STXBP5L: variants seen among roughly 807,000 people sequenced by gnomAD.
STXBP5L encodes syntaxin binding protein 5L.
Under a neutral mutation model 144.5 loss-of-function variants are expected in STXBP5L, and 65 were observed. The observed-to-expected ratio is 0.45, with a 90% CI of 0.37 to 0.55. STXBP5L has a LOEUF of 0.55. Ranked by LOEUF, STXBP5L falls within the 20% of genes least tolerant of loss-of-function variation. The pLI is 0.00. For synonymous variants in STXBP5L, 505 were observed against 469.6 expected (o/e 1.08, Z -0.97); for missense variants, 1,298 against 1,405.5 (o/e 0.92, Z 1.22).
chr3:121,156,583 A>G (rs2046119307), intron 8 of STXBP5L, among the ~76,000 whole-genome samples: 1 of 151,950 alleles, frequency 6.6e-6, no homozygotes, highest in African/African-American at 2.4e-5. Context: ...TTTATTGAGT[A>G]CTTACTTTAT....
chr3:121,012,399 C>CA (rs1354213799), intron 3 of STXBP5L, among the ~76,000 whole-genome samples: 1 of 151,738 alleles, frequency 6.6e-6, no homozygotes, highest in Non-Finnish European at 1.5e-5. Flanking sequence ...TATTGAATTC[C>CA]AAAAAGGTTG....
At position 121,318,516 on chromosome 3, in the gene STXBP5L, G is replaced by C. The variant is rs564881247; in HGVS notation, c.2152G>C (p.Glu718Gln). The change falls in exon 20 of 27, where the codon GAG becomes CAG. Residue 718 changes from glutamate to glutamine, a missense_variant. By Grantham distance (29) the Glu-to-Gln change is conservative. Transcript: ENST00000471454. Reference sequence around the variant, plus strand: ...TGACAGTCCAGTTCCCCTAGAACTTGAGCGCTGCAAGTCTCCTACCTCAGG... The same window carrying C: ...TGACAGTCCAGTTCCCCTAGAACTTCAGCGCTGCAAGTCTCCTACCTCAGG... ...LNDSPVPLEL[E>Q]RCKSPTSDHV... 7 of 1,564,536 alleles carry C rather than the reference G, an allele frequency of 4.5e-6. No homozygotes were observed. The African/African-American group carries it at 9.6e-5, about 21-fold the overall frequency.
chr3:121,083,546 C>G (rs2042347397), intron 5 of STXBP5L, among the ~76,000 whole-genome samples: 1 of 152,052 alleles, frequency 6.6e-6, no homozygotes, highest in East Asian at 1.9e-4. Context: ...GTCTGTTATC[C>G]CAGTTACTCG....
intron 3 of STXBP5L, among the ~76,000 whole-genome samples, chr3:120,996,421 A>G (rs1559972592): frequency 6.6e-6 from 1 of 152,112 alleles, no homozygotes; most frequent in South Asian, 2.1e-4. Flanking sequence ...GTCAATTAAC[A>G]TATCTTTGTC....
rs71133526 is a variant in STXBP5L at position 121,297,202 on chromosome 3, A to ATGTGTGTGTGTGTG, written c.2110+17271_2110+17284dup. On this transcript the variant is annotated intron_variant, in intron 19 of 26. Transcript: ENST00000471454. The stretch of plus-strand genomic sequence containing the variant: ...CAGAATCTGAATGATTCTACATTAT[A>ATGTGTGTGTGTGTG]TGTGTGTGTGTGTGTGTGTGTGTGT... Among the ~76,000 whole-genome samples, 647 of 148,320 alleles carry ATGTGTGTGTGTGTG rather than the reference A, an allele frequency of 4.4e-3. 3 individuals are homozygous for ATGTGTGTGTGTGTG. The highest frequency in any genetic ancestry group is 7.6e-3 in the Non-Finnish European group (510 of 67,192).
chr3:121,135,515 A>G (rs975175392), intron 7 of STXBP5L, among the ~76,000 whole-genome samples: 2 of 152,114 alleles, frequency 1.3e-5, no homozygotes, highest in Admixed American at 1.3e-4. Context: ...ATCATCAGGA[A>G]TTAGATTAGT....
At chr3:121,086,446 C>T (rs2107712057) in intron 5 of STXBP5L, among the ~76,000 whole-genome samples, 1 of 151,354 alleles carries the variant, frequency 6.6e-6, no homozygotes. Context: ...TAGCACAATG[C>T]ATTGCCCTTT....
At chr3:121,414,056 T>A (rs1487375867) in intron 24 of STXBP5L, among the ~76,000 whole-genome samples, 1 of 152,168 alleles carries the variant, frequency 6.6e-6, no homozygotes, top group Admixed American at 6.6e-5. Flanking sequence ...AGAATTCATA[T>A]AAAAGACTGA....
intron 3 of STXBP5L, among the ~76,000 whole-genome samples, chr3:121,025,622 G>A (rs1576696437): frequency 6.6e-6 from 1 of 151,504 alleles, no homozygotes; most frequent in Non-Finnish European, 1.5e-5. Context: ...AATTTTGCAG[G>A]TATTTGAATT....
intron 5 of STXBP5L, among the ~76,000 whole-genome samples, chr3:121,050,913 A>T (rs1325413656): frequency 2.6e-5 from 4 of 152,100 alleles, no homozygotes; most frequent in Non-Finnish European, 4.4e-5. Flanking sequence ...ATGGAAAACA[A>T]AAAAAAGCAG....
At chr3:121,083,600 T>C (rs149265606) in intron 5 of STXBP5L, among the ~76,000 whole-genome samples, 21 of 152,210 alleles carry the variant, frequency 1.4e-4, no homozygotes, top group African/African-American at 4.8e-4. Flanking sequence ...GAGGCAGATG[T>C]TGCAGTGAGC....
intron 9 of STXBP5L, among the ~76,000 whole-genome samples, chr3:121,192,682 T>C (rs964243041): frequency 6.6e-6 from 1 of 152,252 alleles, no homozygotes; most frequent in African/African-American, 2.4e-5. Flanking sequence ...TCTACAACCA[T>C]CTCATCTTCA....
intron 9 of STXBP5L, 129 bp downstream of exon 9, chr3:121,157,756 T>G: frequency 1.6e-6 from 2 of 1,233,828 alleles, no homozygotes; most frequent in Non-Finnish European, 2.2e-6. Flanking sequence ...TAAACATCCC[T>G]TTTATACCAC....
At chr3:121,396,324 A>C (rs1472997681) in intron 22 of STXBP5L, among the ~76,000 whole-genome samples, 1 of 152,218 alleles carries the variant, frequency 6.6e-6, no homozygotes, top group Non-Finnish European at 1.5e-5. Flanking sequence ...GATACCAGCA[A>C]TGTGTTTAAT....
At chr3:121,331,266 G>A (rs544653932) in intron 20 of STXBP5L, among the ~76,000 whole-genome samples, 2 of 152,278 alleles carry the variant, frequency 1.3e-5, no homozygotes, top group South Asian at 4.2e-4. Flanking sequence ...CAACAGTCAG[G>A]CAGCCCGGGT....
chr3:121,379,698 A>G (rs942135555), intron 21 of STXBP5L, among the ~76,000 whole-genome samples: 1 of 152,130 alleles, frequency 6.6e-6, no homozygotes, highest in Non-Finnish European at 1.5e-5. Flanking sequence ...TAATGATGTT[A>G]TTTCTCTAAC....
At chr3:121,409,948 AGT>A (rs1159274833) in intron 23 of STXBP5L, among the ~76,000 whole-genome samples, 5 of 151,104 alleles carry the variant, frequency 3.3e-5, no homozygotes, top group Non-Finnish European at 7.4e-5. Flanking sequence ...AGGTTTTGAG[AGT>A]GTTTTTTTTT....
At chr3:121,093,864 A>T (rs2042964009) in intron 5 of STXBP5L, among the ~76,000 whole-genome samples, 1 of 151,990 alleles carries the variant, frequency 6.6e-6, no homozygotes, top group African/African-American at 2.4e-5. Flanking sequence ...TTGTGATGTT[A>T]GGGTGTCAAT....
chr3:121,216,491 T>G (rs2048781602), intron 10 of STXBP5L, among the ~76,000 whole-genome samples: 1 of 152,208 alleles, frequency 6.6e-6, no homozygotes, highest in Non-Finnish European at 1.5e-5. Flanking sequence ...AGACCCTCTT[T>G]GCCTGGTTAT....
Sources: gnomAD v4.1 joint callset for allele counts (sites outside exome capture counted in the v4.1 genomes callset) on GRCh38, gnomAD v4.1.1 for gene constraint, MANE v1.5 for transcripts, NCBI Gene and HGNC (gene_info 2026-07-23, HGNC 2026-07-21) for gene names.